The following SIRT6 variants were observed in gnomAD, a reference collection of about 807,000 sequenced individuals.
SIRT6 encodes NAD-dependent protein deacylase sirtuin-6.
A neutral mutation model predicts 33.6 loss-of-function variants in SIRT6; 21 were observed. The observed-to-expected ratio is 0.62, with a 90% confidence interval of 0.44 to 0.90. The LOEUF is 0.90. Ranked by LOEUF, SIRT6 falls within the 40% of genes least tolerant of loss-of-function variation. The pLI, the probability that SIRT6 is intolerant of heterozygous loss-of-function variation, is 0.00. For missense variants in SIRT6, 504 were observed against 510.6 expected (o/e 0.99, Z 0.12); for synonymous variants, 221 against 223.9 (o/e 0.99, Z 0.12).
chr19:4,179,376 GGAGA>G (rs1967494977), intron 2 of SIRT6, 90 bp from the exon 3 acceptor site: 2 of 1,352,878 alleles, frequency 1.5e-6, no homozygotes, highest in Admixed American at 5.5e-5. Flanking sequence ...AGAGAAAGTT[GGAGA>G]GAGAGAAAAT....
chr19:4,176,567 T>C (rs994916240), intron 4 of SIRT6, among the ~76,000 whole-genome samples: 7 of 152,074 alleles, frequency 4.6e-5, no homozygotes, highest in African/African-American at 1.7e-4. Context: ...CCAGCCTGGA[T>C]GACAGAGCGG....
chr19:4,178,276 C>T (rs1475553976), intron 3 of SIRT6, among the ~76,000 whole-genome samples: 1 of 150,716 alleles, frequency 6.6e-6, no homozygotes, highest in South Asian at 2.1e-4. Flanking sequence ...CCGCCTGCCT[C>T]GGCCTCCCAA....
intron 2 of SIRT6, chr19:4,179,634 G>A (rs545967283): frequency 1.7e-5 from 5 of 292,006 alleles, no homozygotes; most frequent in Admixed American, 4.8e-5. Flanking sequence ...CTGCTGCAAT[G>A]AGCCCGACGA....
chr19:4,181,779 A>G (rs1266916331), intron 1 of SIRT6, among the ~76,000 whole-genome samples: 1 of 152,038 alleles, frequency 6.6e-6, no homozygotes, highest in Non-Finnish European at 1.5e-5. Flanking sequence ...GCGACAGAGA[A>G]ACTCCATCTC....
intron 4 of SIRT6, 132 bp from the exon 5 acceptor site, chr19:4,176,069 C>A: frequency 2.9e-6 from 2 of 687,208 alleles, no homozygotes; most frequent in Non-Finnish European, 4.9e-6. Flanking sequence ...CCCAGCGACA[C>A]GGAACGAGTA....
Position 4,177,071 on chromosome 19 carries a change from G to A in SIRT6, c.437+8C>T, listed in dbSNP as rs199845125. On this transcript the variant is annotated splice_region_variant and intron_variant, in intron 4 of 7. Transcript: ENST00000337491. ...GAGCCCCCACCCCTGCACCCAGGTG[G>A]CACTCACGTCTTACACTTGGCACAT... The A allele has an allele frequency of 5.0e-4, 813 of 1,613,074 alleles. 1 individual carries two copies. The highest frequency in any genetic ancestry group is 5.3e-4 in the Non-Finnish European group (621 of 1,179,508).
At chr19:4,178,747 G>A (rs950082966) in intron 3 of SIRT6, among the ~76,000 whole-genome samples, 8 of 152,144 alleles carry the variant, frequency 5.3e-5, no homozygotes, top group African/African-American at 1.9e-4. Flanking sequence ...TACTAGGGAG[G>A]CTGAGGCAGG....
At chr19:4,177,718 GT>G (rs1236066597) in intron 3 of SIRT6, among the ~76,000 whole-genome samples, 2 of 152,094 alleles carry the variant, frequency 1.3e-5, no homozygotes, top group Admixed American at 1.3e-4. Context: ...AGCCTCCTGA[GT>G]AGCTGGGACT....
intron 2 of SIRT6, 140 bp downstream of exon 2, chr19:4,180,642 A>G (rs1967572052): frequency 9.1e-7 from 1 of 1,098,696 alleles, no homozygotes; most frequent in African/African-American, 1.6e-5. Context: ...GCCAAGGGAC[A>G]CATCTTAAAG....
At chr19:4,177,037 C>A in intron 4 of SIRT6, 42 bp downstream of exon 4, 1 of 1,580,896 alleles carries the variant, frequency 6.3e-7, no homozygotes, top group Non-Finnish European at 8.7e-7. Context: ...CCCCCAACCC[C>A]CTCTGGCAGA....
chr19:4,180,406 C>T (rs544936262), intron 2 of SIRT6, among the ~76,000 whole-genome samples: 1 of 151,468 alleles, frequency 6.6e-6, no homozygotes. Flanking sequence ...TGTTTTTAGA[C>T]GGAGCCTCAC....
chr19:4,179,037 C>T, intron 3 of SIRT6, 67 bp downstream of exon 3: 1 of 1,562,938 alleles, frequency 6.4e-7, no homozygotes, highest in Non-Finnish European at 8.7e-7. Flanking sequence ...GGGACTCTCC[C>T]CCTAAAAATG....
In SIRT6 at chr19:4,177,151, C is replaced by T. The variant is rs1048115267; in HGVS notation, c.378-13G>A. ...TGCCAGTTTGTCCCTGTGGGAAGAG[C>T]AGGAAGAGGCTTGATGGTGGGAAAG... On this transcript the variant is annotated splice_polypyrimidine_tract_variant and intron_variant, in intron 3 of 7. Coordinates refer to ENST00000337491, the MANE Select transcript of SIRT6 (RefSeq NM_016539.4). 3.1e-6 allele frequency: 5 copies of T among 1,613,636 alleles called. No individual in the cohort carries two copies. The Admixed American group carries it at 6.7e-5, about 22-fold the overall frequency.
chr19:4,180,983 C>T, intron 1 of SIRT6, 74 bp from the exon 2 acceptor site: 12 of 1,519,902 alleles, frequency 7.9e-6, no homozygotes, highest in Middle Eastern at 1.9e-4. Context: ...GAGCCACAGA[C>T]TGAGCTGTCC....
chr19:4,175,326 C>T (rs1293185747), intron 6 of SIRT6, 175 bp from the exon 7 acceptor site: 35 of 874,056 alleles, frequency 4.0e-5, no homozygotes, highest in Non-Finnish European at 5.1e-5. Context: ...GGTCCGTTGG[C>T]GGGGTCATTG....
At chr19:4,179,559 A>C (rs1967505660) in intron 2 of SIRT6, 2 of 506,216 alleles carry the variant, frequency 4.0e-6, no homozygotes, top group East Asian at 6.7e-5. Flanking sequence ...AGAGAGGGAG[A>C]GGCAGAGAGA....
chr19:4,176,253 C>T (rs895399285), intron 4 of SIRT6, among the ~76,000 whole-genome samples: 6 of 152,188 alleles, frequency 3.9e-5, no homozygotes, highest in African/African-American at 7.2e-5. Flanking sequence ...AGTCTGGATT[C>T]GGGATTAGAG....
chr19:4,178,065 C>T (rs549451119), intron 3 of SIRT6, among the ~76,000 whole-genome samples: 1 of 150,694 alleles, frequency 6.6e-6, no homozygotes, highest in South Asian at 2.1e-4. Flanking sequence ...CTTGCTCTGT[C>T]ACCCAAGCTG....
chr19:4,175,416 C>G (rs139094883), intron 6 of SIRT6: 1 of 627,072 alleles, frequency 1.6e-6, no homozygotes, highest in Non-Finnish European at 2.7e-6. Flanking sequence ...GACCCTGGCT[C>G]GGTCACCTCC....
Sources: allele counts gnomAD v4.1 joint callset (sites outside exome capture counted in the v4.1 genomes callset), GRCh38; gene constraint gnomAD v4.1.1; transcripts MANE v1.5; gene names NCBI Gene and HGNC (gene_info 2026-07-23, HGNC 2026-07-21).